IRS2: variants seen among roughly 807,000 people sequenced by gnomAD.
IRS2 encodes the protein insulin receptor substrate 2.
Under a neutral mutation model 70.9 loss-of-function variants are expected in IRS2, and 28 were observed. The ratio of observed to expected loss-of-function variants is 0.39; its 90% CI spans 0.29 to 0.54. The LOEUF is 0.54. Among genes scored for constraint, IRS2 ranks in the 20% least tolerant of loss-of-function variants. IRS2 has a pLI of 0.59. For synonymous variants in IRS2, 1,217 were observed against 981.9 expected (o/e 1.24, Z -4.48); for missense variants, 2,081 against 2,024.1 (o/e 1.03, Z -0.54).
chr13:109,768,719 T>A (rs1877389305), intron 1 of IRS2, among the ~76,000 whole-genome samples: 1 of 152,184 alleles, frequency 6.6e-6, no homozygotes, highest in South Asian at 2.1e-4. Context: ...CTTGTCTTTT[T>A]TTTTTTAAAT....
chr13:109,768,649 C>T (rs1877386459), intron 1 of IRS2, among the ~76,000 whole-genome samples: 1 of 152,300 alleles, frequency 6.6e-6, no homozygotes, highest in Middle Eastern at 3.4e-3. Flanking sequence ...CGGGGCATCC[C>T]GCCTCAAGGC....
At position 109,784,049 on chromosome 13, in the gene IRS2, T is replaced by G; in HGVS notation, c.2005A>C (p.Ser669Arg). Reference sequence around the variant, plus strand: ...GGCATGTAGTCGTCGCTCCTGCAGCTGCCGCTCCCACTGCCCGCGAGGGCC... The same window carrying G: ...GGCATGTAGTCGTCGCTCCTGCAGCGGCCGCTCCCACTGCCCGCGAGGGCC... ...GAALAGSGSG[S>R]CRSDDYMPMS... Residue 669 changes from serine to arginine, a missense_variant, in exon 1 of 2, where the codon AGC becomes CGC. Transcript: ENST00000375856. This position sits in a 1 kb window ranked among gnomAD's most constrained non-coding sequence, Gnocchi z 5.2. 6.5e-7 allele frequency: 1 copy of G among 1,548,650 alleles called. No individual in the cohort carries two copies. Among genetic ancestry groups the G allele is most frequent in the Non-Finnish European group, 8.7e-7 (1 of 1,152,740 alleles).
In IRS2 at chr13:109,754,456, G is replaced by T. The variant is rs1877060036; in HGVS notation, c.*1848C>A. The T allele has an allele frequency of 4.9e-6, 1 of 205,238 alleles. No individual in the cohort carries two copies. The highest frequency in any genetic ancestry group is 1.9e-4 in the South Asian group (1 of 5,308). 12.7% of individuals were successfully genotyped at this position (205,238 alleles called of 1,614,324 possible). A position where few individuals can be genotyped will look rare whatever the true frequency, so the allele number is the denominator to read the frequency against. On this transcript the variant is annotated 3_prime_UTR_variant, in exon 2 of 2. Transcript: ENST00000375856. ...CCATATTCAGTCCCTATCGTACCTG[G>T]GGGGAGTTACAAAGCAAATACCACC...
At position 109,755,378 on chromosome 13, in the gene IRS2, T is replaced by C. The variant is rs1877082333; in HGVS notation, c.*926A>G. 4.4e-6 allele frequency: 1 copy of C among 227,828 alleles called. No individual in the cohort carries two copies. Among genetic ancestry groups the C allele is most frequent in the Non-Finnish European group, 8.7e-6 (1 of 114,720 alleles). 14.1% of individuals were successfully genotyped at this position (227,828 alleles called of 1,614,324 possible). A position where few individuals can be genotyped will look rare whatever the true frequency, so the allele number is the denominator to read the frequency against. ...AGGGATTTTTGGTTACAGAAAGGCA[T>C]GCCCAAGATTCAGGAGAGCAGAGAC... On this transcript the variant is annotated 3_prime_UTR_variant, in exon 2 of 2. Coordinates refer to ENST00000375856, the MANE Select transcript of IRS2 (RefSeq NM_003749.3).
chr13:109,786,435 T>TGCC lies in IRS2; in HGVS notation c.-385_-383dup, dbSNP rs1269523648. The TGCC allele has an allele frequency of 6.8e-6, 1 of 147,348 alleles. No individual in the cohort carries two copies. The highest frequency in any genetic ancestry group is 1.5e-5 in the Non-Finnish European group (1 of 66,076). The allele number at this position is 147,348 out of a possible 1,614,324, so 9.1% of individuals were successfully genotyped here. On this transcript the variant is annotated 5_prime_UTR_variant, in exon 1 of 2. Transcript: ENST00000375856. This position sits in a 1 kb window ranked among gnomAD's most constrained non-coding sequence, Gnocchi z 4.4. ...GCGCGCGCGGCCGCACCGGGGCTGCTGCCGCCGCGTCGCGCTCCGGGAAGC... is the reference window on the plus strand; with the variant it reads ...GCGCGCGCGGCCGCACCGGGGCTGCTGCCGCCGCCGCGTCGCGCTCCGGGAAGC...
In IRS2 at chr13:109,783,129, G is replaced by A; in HGVS notation, c.2925C>T (p.Leu975=). The change falls in exon 1 of 2, where the codon CTC becomes CTT. Residue 975 remains leucine (L), a synonymous_variant. Transcript: ENST00000375856. The part of the protein sequence containing the change: ...TSSDSRQRSP[L]SDYMNLDFSS... The stretch of plus-strand genomic sequence containing the variant: ...TGAAGTCGAGGTTCATGTAGTCGGA[G>A]AGCGGAGACCGCTGCCGGCTGTCGC... The A allele has an allele frequency of 2.2e-6, 3 of 1,387,596 alleles. No individual in the cohort carries two copies. The highest frequency in any genetic ancestry group is 1.6e-5 in the South Asian group (1 of 60,752). The allele number at this position is 1,387,596 out of a possible 1,614,324, so 86.0% of individuals were successfully genotyped here. A position where few individuals can be genotyped will look rare whatever the true frequency, so the allele number is the denominator to read the frequency against.
chr13:109,782,931 C>T lies in IRS2; in HGVS notation c.3123G>A (p.Leu1041=), dbSNP rs2138931118. 6.6e-7 allele frequency: 1 copy of T among 1,513,084 alleles called. No individual in the cohort carries two copies. The highest frequency in any genetic ancestry group is 1.2e-5 in the South Asian group (1 of 80,660). The allele number at this position is 1,513,084 out of a possible 1,614,324, so 93.7% of individuals were successfully genotyped here. ...PPPPPPAPGE[L]YRLPPASAVA... ...CGGCCGAGGCGGGGGGCAGGCGGTA[C>T]AGCTCCCCCGGGGCCGGCGGCGGTG... Residue 1041 remains leucine, a synonymous_variant, in exon 1 of 2, where the codon CTG becomes CTA. Coordinates refer to ENST00000375856, the MANE Select transcript of IRS2 (RefSeq NM_003749.3).
intron 1 of IRS2, among the ~76,000 whole-genome samples, chr13:109,772,318 G>C (rs1388997448): frequency 1.3e-5 from 2 of 152,240 alleles, no homozygotes; most frequent in Non-Finnish European, 2.9e-5. Flanking sequence ...CCCAAACCTT[G>C]CTGGGGAAAA....
At position 109,782,884 on chromosome 13, in the gene IRS2, C is replaced by T. The variant is rs1805097; in HGVS notation, c.3170G>A (p.Gly1057Asp). ...GTCCGAGGACAACGATGAGGCGGCGCCCGGGCCCTGGGCGGTGGCAACGGC... is the reference window on the plus strand; with the variant it reads ...GTCCGAGGACAACGATGAGGCGGCGTCCGGGCCCTGGGCGGTGGCAACGGC... Reference protein sequence around the residue: ...ASAVATAQGPGAASSLSSDTG... With the variant: ...ASAVATAQGPDAASSLSSDTG... Residue 1057 changes from glycine to aspartate, a missense_variant, in exon 1 of 2, where the codon GGC becomes GAC. Gly to Asp is a moderately conservative substitution (Grantham distance 94). Around this residue, in one of 4 missense-constraint regions of IRS2, gnomAD observed 1,615 missense variants for 1,459.5 expected, o/e 1.11. Transcript: ENST00000375856. 512,566 of 1,562,240 alleles carry T rather than the reference C, an allele frequency of 0.33. 86,943 individuals are homozygous for T. Among genetic ancestry groups the T allele is most frequent in the Admixed American group, 0.44 (23,028 of 51,936 alleles).
chr13:109,756,407 G>A (rs565375566), intron 1 of IRS2, 99 bp from the exon 2 acceptor site: 1 of 978,990 alleles, frequency 1.0e-6, no homozygotes, highest in African/African-American at 1.6e-5. Flanking sequence ...CTAGGACCTG[G>A]GTCATTTTCA....
chr13:109,763,424 C>CTCT (rs776653051), intron 1 of IRS2, among the ~76,000 whole-genome samples: 3,167 of 152,312 alleles, frequency 0.021, 53 homozygotes, highest in Non-Finnish European at 0.033. Flanking sequence ...TTAGCTACCG[C>CTCT]TATTCTATTT....
rs201499247 is a variant in IRS2 at position 109,783,409 on chromosome 13, C to G, written c.2645G>C (p.Gly882Ala). Residue 882 changes from glycine (G) to alanine (A), a missense_variant, in exon 1 of 2, where the codon GGC becomes GCC. Physicochemically the swap from Gly to Ala is moderately conservative, Grantham distance 60. Transcript: ENST00000375856. ...PSGGRPEGFL[G>A]QRGRAVRPTR... ...GGGCCTCACCGCCCGGCCGCGCTGGCCCAAGAAGCCCTCCGGGCGGCCGCC... is the reference window on the plus strand; with the variant it reads ...GGGCCTCACCGCCCGGCCGCGCTGGGCCAAGAAGCCCTCCGGGCGGCCGCC... The G allele has an allele frequency of 4.2e-3, 6,226 of 1,486,234 alleles. 18 individuals are homozygous for G. Among genetic ancestry groups the G allele is most frequent in the Non-Finnish European group, 4.8e-3 (5,445 of 1,127,972 alleles). The allele number at this position is 1,486,234 out of a possible 1,614,324, so 92.1% of individuals were successfully genotyped here.
chr13:109,757,777 GT>G (rs1224502302), intron 1 of IRS2, among the ~76,000 whole-genome samples: 11 of 152,130 alleles, frequency 7.2e-5, no homozygotes, highest in African/African-American at 2.7e-4. Flanking sequence ...CACCTCCCAG[GT>G]TTGAGCAATT....
At chr13:109,777,495 T>C (rs1381609401) in intron 1 of IRS2, among the ~76,000 whole-genome samples, 1 of 152,200 alleles carries the variant, frequency 6.6e-6, no homozygotes, top group African/African-American at 2.4e-5. Flanking sequence ...AAGATTCCTT[T>C]TTGGGTGGTA....
rs773569666 is a variant in IRS2 at position 109,785,720 on chromosome 13, G to C, written c.334C>G (p.Leu112Val). The C allele has an allele frequency of 2.5e-6, 4 of 1,600,310 alleles. No individual in the cohort carries two copies. Among genetic ancestry groups the C allele is most frequent in the African/African-American group, 1.3e-5 (1 of 74,742 alleles). ...NKRADAKHKY[L>V]IALYTKDEYF... ...TCGTCCTTGGTGTAGAGGGCGATCA[G>C]GTACTTGTGCTTGGCGTCGGCGCGC... Residue 112 changes from leucine (L) to valine (V), a missense_variant, in exon 1 of 2, where the codon CTG becomes GTG. Physicochemically the swap from Leu to Val is conservative, Grantham distance 32. Coordinates refer to ENST00000375856, the MANE Select transcript of IRS2 (RefSeq NM_003749.3). The surrounding 1 kb of genome is among the most constrained non-coding windows in gnomAD (Gnocchi z 9.3).
intron 1 of IRS2, among the ~76,000 whole-genome samples, chr13:109,776,840 T>A (rs1394398301): frequency 6.6e-6 from 1 of 152,182 alleles, no homozygotes; most frequent in East Asian, 1.9e-4. Flanking sequence ...GAATAACCAC[T>A]GCAGTCTTGA....
At position 109,786,032 on chromosome 13, in the gene IRS2, CGTGCCGCGGCGGGCT is replaced by C; in HGVS notation, c.7_21del (p.Ser3_His7del). The C allele has an allele frequency of 1.5e-6, 2 of 1,328,170 alleles. No homozygotes were observed. The highest frequency in any genetic ancestry group is 1.9e-6 in the Non-Finnish European group (2 of 1,041,934). The allele number at this position is 1,328,170 out of a possible 1,614,324, so 82.3% of individuals were successfully genotyped here. A position where few individuals can be genotyped will look rare whatever the true frequency, so the allele number is the denominator to read the frequency against. ...TCTCCGCTCGCCGGCCCGGGCGGCCCGTGCCGCGGCGGGCTCGCCATCGCGGGCGCTTCAGGCCGC... is the reference window on the plus strand; with the variant it reads ...TCTCCGCTCGCCGGCCCGGGCGGCCCCGCCATCGCGGGCGCTTCAGGCCGC... On this transcript the variant is annotated inframe_deletion, in exon 1 of 2. Transcript: ENST00000375856. The surrounding 1 kb of genome is among the most constrained non-coding windows in gnomAD (Gnocchi z 4.4).
At chr13:109,775,822 G>A (rs1877561639) in intron 1 of IRS2, among the ~76,000 whole-genome samples, 1 of 149,176 alleles carries the variant, frequency 6.7e-6, no homozygotes, top group African/African-American at 2.5e-5. Flanking sequence ...TTTGTTGCTG[G>A]AAAACCTGAT....
At chr13:109,781,092 G>C (rs1877684851) in intron 1 of IRS2, among the ~76,000 whole-genome samples, 1 of 152,098 alleles carries the variant, frequency 6.6e-6, no homozygotes, top group Middle Eastern at 3.2e-3. Context: ...AAATCACCTG[G>C]ACAACTCTGA....
Sources: gnomAD v4.1 joint callset for allele counts (sites outside exome capture counted in the v4.1 genomes callset) on GRCh38, gnomAD v4.1.1 for gene constraint, gnomAD v4.1.1 regional missense constraint, Gnocchi (gnomAD v3.1) non-coding constraint, MANE v1.5 for transcripts, NCBI Gene and HGNC (gene_info 2026-07-23, HGNC 2026-07-21) for gene names.